The following ZNF169 variants were observed in gnomAD, a reference collection of about 807,000 sequenced individuals.
ZNF169 encodes zinc finger protein 169.
In ZNF169, 11 loss-of-function variants were observed where a neutral mutation model predicts 12.0. The observed-to-expected ratio is 0.92, with a 90% CI of 0.58 to 1.52. The LOEUF (loss-of-function observed/expected upper bound fraction) is 1.52. ZNF169 is among the 40% of genes most tolerant of loss of function. The pLI is 0.00. For missense variants in ZNF169, 722 were observed against 744.0 expected (o/e 0.97, Z 0.34); for synonymous variants, 302 against 286.5 (o/e 1.05, Z -0.55).
intron 1 of ZNF169, among the ~76,000 whole-genome samples, chr9:94,269,478 T>C (rs971537196): frequency 2.0e-5 from 3 of 152,170 alleles, no homozygotes; most frequent in Non-Finnish European, 2.9e-5. Flanking sequence ...GAGGGTCCCC[T>C]GGGAAAACCT....
chr9:94,288,983 A>G (rs913823981), intron 2 of ZNF169, among the ~76,000 whole-genome samples: 1 of 152,236 alleles, frequency 6.6e-6, no homozygotes, highest in Admixed American at 6.5e-5. Context: ...TGGCTGAAGC[A>G]AAGATTATCG....
At chr9:94,264,025 A>G (rs1206283331) in intron 1 of ZNF169, among the ~76,000 whole-genome samples, 1 of 152,198 alleles carries the variant, frequency 6.6e-6, no homozygotes, top group Non-Finnish European at 1.5e-5. Flanking sequence ...GTAATTGTAT[A>G]GGTACTTGTA....
In ZNF169 at chr9:94,289,430, C is replaced by T. The variant is rs78601168; in HGVS notation, c.34-2911C>T. On this transcript the variant is annotated intron_variant, in intron 2 of 4. Coordinates refer to ENST00000395395, the MANE Select transcript of ZNF169 (RefSeq NM_194320.4). ...ACAACAAAAAAGCAAGCTGGTAAAA[C>T]GATGACACCAGCAAATTATGATAAG... 2.6e-3 allele frequency among the ~76,000 whole-genome samples: 400 copies of T among 151,976 alleles called. 1 individual carries two copies. Among genetic ancestry groups the T allele is most frequent in the African/African-American group, 8.7e-3 (362 of 41,442 alleles).
chr9:94,301,223 T>A lies in ZNF169; in HGVS notation c.1665T>A (p.Ser555=), dbSNP rs1166972320. The change falls in exon 5 of 5, where the codon TCT becomes TCA. Residue 555 remains serine, a synonymous_variant. Transcript: ENST00000395395. ...DECGRGFGFK[S]ALIRHQRTHS... is the part of the protein sequence containing the mutation. ...GTGGGCGCGGCTTTGGCTTTAAGTC[T>A]GCCCTCATCCGACATCAGCGGACCC... is the stretch of plus-strand genomic sequence containing the variant. 3.1e-6 allele frequency: 5 copies of A among 1,613,248 alleles called. No individual in the cohort carries two copies. The highest frequency in any genetic ancestry group is 1.3e-5 in the African/African-American group (1 of 74,696).
At chr9:94,270,559 T>A (rs74472518) in intron 1 of ZNF169, among the ~76,000 whole-genome samples, 1 of 141,552 alleles carries the variant, frequency 7.1e-6, no homozygotes, top group Non-Finnish European at 1.5e-5. Context: ...GTTTTTATCA[T>A]GAATAGCCAT....
intron 1 of ZNF169, among the ~76,000 whole-genome samples, chr9:94,270,925 TA>T (rs1185057927): frequency 4.6e-5 from 1 of 21,676 alleles, no homozygotes; most frequent in African/African-American, 2.0e-4. Flanking sequence ...ATATTATATA[TA>T]AATAATATAT....
chr9:94,297,396 G>A (rs1378889384), intron 4 of ZNF169, among the ~76,000 whole-genome samples: 1 of 152,108 alleles, frequency 6.6e-6, no homozygotes, highest in Non-Finnish European at 1.5e-5. Context: ...ATTTTTAAGT[G>A]TCAATTTTCA....
In ZNF169 at chr9:94,287,763, AG is replaced by A. The variant is rs981071715; in HGVS notation, c.34-4576del. ...ACCAGCATTGACGTTCTTGCCATCC[AG>A]GAGAGCTGACAGTGTCAGTTTGATA... On this transcript the variant is annotated intron_variant, in intron 2 of 4. Coordinates refer to ENST00000395395, the MANE Select transcript of ZNF169 (RefSeq NM_194320.4). 2.2e-6 allele frequency: 3 copies of A among 1,394,126 alleles called. No individual in the cohort carries two copies. The African/African-American group carries it at 4.3e-5, about 20-fold the overall frequency. The allele number at this position is 1,394,126 out of a possible 1,614,324, so 86.4% of individuals were successfully genotyped here.
At chr9:94,259,485 CGGCTGTGGGGTCTG>C (rs1275776436) in intron 1 of ZNF169, 140 bp downstream of exon 1, 1 of 152,624 alleles carries the variant, frequency 6.6e-6, no homozygotes, top group East Asian at 1.9e-4. Context: ...TTTTGAGTTT[CGGCTGTGGGGTCTG>C]GGCGTGCGTG....
At chr9:94,288,581 G>A (rs1830764698) in intron 2 of ZNF169, 1 of 445,346 alleles carries the variant, frequency 2.2e-6, no homozygotes, top group Admixed American at 2.9e-5. Context: ...CAGGCTCAGA[G>A]GCAGCTATGA....
chr9:94,278,736 C>T, intron 1 of ZNF169, 22 bp from the exon 2 acceptor site: 2 of 1,425,960 alleles, frequency 1.4e-6, no homozygotes, highest in Non-Finnish European at 2.0e-6. Context: ...GTACCTCTCT[C>T]ACTTCTCATC....
At chr9:94,285,616 T>C (rs1830708175) in intron 2 of ZNF169, among the ~76,000 whole-genome samples, 1 of 152,148 alleles carries the variant, frequency 6.6e-6, no homozygotes, top group African/African-American at 2.4e-5. Context: ...AGTACACTTC[T>C]GAAGACTAAA....
Position 94,301,459 on chromosome 9 carries a change from G to A in ZNF169, c.*89G>A. ...AATGGAATGGAAAAAAAAAAATGTTGCTTTCTTTCATCGATCATGAGATAG... is the reference window on the plus strand; with the variant it reads ...AATGGAATGGAAAAAAAAAAATGTTACTTTCTTTCATCGATCATGAGATAG... On this transcript the variant is annotated 3_prime_UTR_variant, in exon 5 of 5. Transcript: ENST00000395395. 1 of 1,449,068 alleles carries A rather than the reference G, an allele frequency of 6.9e-7. No homozygotes were observed. The highest frequency in any genetic ancestry group is 9.1e-7 in the Non-Finnish European group (1 of 1,098,612). 89.8% of individuals were successfully genotyped at this position (1,449,068 alleles called of 1,614,324 possible).
intron 1 of ZNF169, among the ~76,000 whole-genome samples, chr9:94,264,327 G>C (rs1257106977): frequency 6.6e-6 from 1 of 152,038 alleles, no homozygotes; most frequent in African/African-American, 2.4e-5. Context: ...GTAGAGATGG[G>C]GTTTCACCAT....
chr9:94,300,503 G>A lies in ZNF169; in HGVS notation c.945G>A (p.Glu315=). Residue 315 remains glutamate, a synonymous_variant, in exon 5 of 5, where the codon GAG becomes GAA. Coordinates refer to ENST00000395395, the MANE Select transcript of ZNF169 (RefSeq NM_194320.4). ...ATCACAAGAGGATTCACTCCGGGGA[G>A]AGGCCCTTTGTATGTCAGGAGTGTG... ...LTNHKRIHSG[E]RPFVCQECGR... 2 of 1,614,234 alleles carry A rather than the reference G, an allele frequency of 1.2e-6. No homozygotes were observed. Among genetic ancestry groups the A allele is most frequent in the Non-Finnish European group, 1.7e-6 (2 of 1,180,046 alleles).
At chr9:94,260,652 C>T (rs1830186624) in intron 1 of ZNF169, among the ~76,000 whole-genome samples, 1 of 151,962 alleles carries the variant, frequency 6.6e-6, no homozygotes, top group South Asian at 2.1e-4. Context: ...TGTGTGGCTC[C>T]CTCGGACTTG....
intron 2 of ZNF169, chr9:94,287,966 G>C: frequency 1.2e-6 from 1 of 819,760 alleles, no homozygotes; most frequent in Non-Finnish European, 2.2e-6. Context: ...TCACCTTCTA[G>C]TAAATGGAGC....
At position 94,292,376 on chromosome 9, in the gene ZNF169, C is replaced by T. The variant is rs768323852; in HGVS notation, c.69C>T (p.Phe23=). Residue 23 remains phenylalanine (F), a synonymous_variant, in exon 3 of 5, where the codon TTC becomes TTT. Coordinates refer to ENST00000395395, the MANE Select transcript of ZNF169 (RefSeq NM_194320.4). The part of the protein sequence containing the change: ...LMAFRDVAVA[F]TQKEWKLLSS... ...CCTTCCGGGATGTGGCTGTGGCCTTCACCCAGAAGGAGTGGAAGCTATTGA... is the reference window on the plus strand; with the variant it reads ...CCTTCCGGGATGTGGCTGTGGCCTTTACCCAGAAGGAGTGGAAGCTATTGA... 5.0e-6 allele frequency: 8 copies of T among 1,614,014 alleles called. No individual in the cohort carries two copies. In the African/African-American group the frequency reaches 6.7e-5, roughly 13 times the overall value.
At chr9:94,283,914 C>T (rs1587680852) in intron 2 of ZNF169, among the ~76,000 whole-genome samples, 1 of 150,008 alleles carries the variant, frequency 6.7e-6, no homozygotes, top group African/African-American at 2.4e-5. Context: ...ACTAAAAATA[C>T]AAAAAAAATT....
Sources: gnomAD v4.1 joint callset for allele counts (sites outside exome capture counted in the v4.1 genomes callset) on GRCh38, gnomAD v4.1.1 for gene constraint, MANE v1.5 for transcripts, NCBI Gene and HGNC (gene_info 2026-07-23, HGNC 2026-07-21) for gene names.